Variants in SNTB1 observed in about 807,000 individuals in gnomAD.
SNTB1 encodes the protein beta-1-syntrophin.
SNTB1 carries 36 observed loss-of-function variants against 48.9 expected under a neutral mutation model. That is an observed-to-expected ratio of 0.74 (90% CI 0.56 to 0.97). The LOEUF is 0.97. Ranked by LOEUF, SNTB1 falls within the 50% of genes least tolerant of loss-of-function variation. SNTB1 has a pLI of 0.00. For missense variants in SNTB1, 786 were observed against 703.4 expected, an observed-to-expected ratio of 1.12 and a Z score of -1.33; for synonymous variants, 299 against 294.6, an observed-to-expected ratio of 1.01 and a Z score of -0.15.
At chr8:120,640,996 A>C (rs919966475) in intron 2 of SNTB1, among the ~76,000 whole-genome samples, 1 of 152,160 alleles carries the variant, frequency 6.6e-6, no homozygotes, top group South Asian at 2.1e-4. Context: ...CTGTGAATCC[A>C]TCTGGTCCTG....
chr8:120,722,807 A>G (rs1587115300), intron 1 of SNTB1, among the ~76,000 whole-genome samples: 1 of 152,144 alleles, frequency 6.6e-6, no homozygotes, highest in Non-Finnish European at 1.5e-5. Context: ...TTAGACATGA[A>G]GTCCTTGCCC....
intron 4 of SNTB1, among the ~76,000 whole-genome samples, chr8:120,559,394 T>C (rs1056878565): frequency 6.6e-6 from 1 of 152,240 alleles, no homozygotes; most frequent in Non-Finnish European, 1.5e-5. Flanking sequence ...ATTTGAAGAC[T>C]TGTACATAAA....
intron 2 of SNTB1, among the ~76,000 whole-genome samples, chr8:120,642,922 A>T (rs543864340): frequency 2.6e-5 from 4 of 152,288 alleles, no homozygotes; most frequent in Admixed American, 6.5e-5. Context: ...AAAACAAAAA[A>T]ACAAAACAAA....
chr8:120,611,697 C>T (rs1446237033), intron 3 of SNTB1, among the ~76,000 whole-genome samples: 1 of 151,894 alleles, frequency 6.6e-6, no homozygotes, highest in Admixed American at 6.6e-5. Flanking sequence ...TGGCGGGTGC[C>T]TGTAGTCCCA....
chr8:120,787,224 G>A (rs1819939753), intron 1 of SNTB1, among the ~76,000 whole-genome samples: 1 of 151,432 alleles, frequency 6.6e-6, no homozygotes, highest in Non-Finnish European at 1.5e-5. Flanking sequence ...AAAAAAAGTT[G>A]AATCAAAAAT....
chr8:120,639,772 G>A (rs1467845356), intron 2 of SNTB1, among the ~76,000 whole-genome samples: 1 of 152,144 alleles, frequency 6.6e-6, no homozygotes, highest in African/African-American at 2.4e-5. Context: ...TGCTGTTTTG[G>A]TTACTATAGC....
intron 1 of SNTB1, among the ~76,000 whole-genome samples, chr8:120,730,040 G>C (rs192823305): frequency 9.8e-5 from 15 of 152,346 alleles, no homozygotes; most frequent in Admixed American, 5.2e-4. Flanking sequence ...CAACCCGTTA[G>C]TGATGTCCCA....
Position 120,650,195 on chromosome 8 carries a change from C to T in SNTB1, c.789-17544G>A, listed in dbSNP as rs539127290. ...ATTCGGCCATCTTGGCTCTGGTTCC[C>T]GGAAATCATCCTTTTTAACTAAGCT... is the stretch of plus-strand genomic sequence containing the variant. On this transcript the variant is annotated intron_variant, in intron 2 of 6. Coordinates refer to ENST00000517992, the MANE Select transcript of SNTB1 (RefSeq NM_021021.4). 4.6e-4 allele frequency among the ~76,000 whole-genome samples: 70 copies of T among 151,990 alleles called. 1 individual carries two copies. The highest frequency in any genetic ancestry group is 1.6e-3 in the African/African-American group (65 of 41,504).
intron 1 of SNTB1, among the ~76,000 whole-genome samples, chr8:120,796,929 G>A (rs1820128564): frequency 6.6e-6 from 1 of 151,928 alleles, no homozygotes; most frequent in South Asian, 2.1e-4. Context: ...TTGTGTGCAT[G>A]TTTTACATTA....
At chr8:120,749,791 G>A (rs2130029125) in intron 1 of SNTB1, among the ~76,000 whole-genome samples, 1 of 152,168 alleles carries the variant, frequency 6.6e-6, no homozygotes, top group East Asian at 1.9e-4. Context: ...AGTACGGAAA[G>A]GTCTGTGCTG....
In SNTB1 at chr8:120,756,603, CTA is replaced by C. The variant is rs140493075; in HGVS notation, c.571+54668_571+54669del. The stretch of plus-strand genomic sequence containing the variant: ...TTTAGCCAGAGTAAGAATATAAAAA[CTA>C]TGTTTCTTCAATGGAGTTGAATGAG... On this transcript the variant is annotated intron_variant, in intron 1 of 6. Transcript: ENST00000517992. Among the ~76,000 whole-genome samples, 1,264 of 152,210 alleles carry C rather than the reference CTA, an allele frequency of 8.3e-3. 21 individuals are homozygous for C. The highest frequency in any genetic ancestry group is 0.028 in the African/African-American group (1,178 of 41,532).
intron 3 of SNTB1, among the ~76,000 whole-genome samples, chr8:120,623,512 G>C (rs966128610): frequency 6.6e-6 from 1 of 152,220 alleles, no homozygotes; most frequent in African/African-American, 2.4e-5. Context: ...TGCAAAATAT[G>C]CTTCCCAGTG....
At chr8:120,590,975 G>A (rs762516174) in intron 3 of SNTB1, among the ~76,000 whole-genome samples, 6 of 152,148 alleles carry the variant, frequency 3.9e-5, no homozygotes, top group Non-Finnish European at 8.8e-5. Flanking sequence ...GTGAAACACT[G>A]TGCCCTGCCT....
chr8:120,613,846 G>A (rs1011306984), intron 3 of SNTB1, among the ~76,000 whole-genome samples: 18 of 152,180 alleles, frequency 1.2e-4, no homozygotes, highest in African/African-American at 4.3e-4. Context: ...TTATTTGATT[G>A]TGGACTCTTC....
chr8:120,740,770 T>TA (rs60530169), intron 1 of SNTB1, among the ~76,000 whole-genome samples: 4,078 of 152,116 alleles, frequency 0.027, 186 homozygotes, highest in African/African-American at 0.093. Context: ...CTTTTTTTTT[T>TA]AATCACTTTT....
intron 2 of SNTB1, among the ~76,000 whole-genome samples, chr8:120,685,567 G>C (rs1395386680): frequency 6.6e-6 from 1 of 152,150 alleles, no homozygotes; most frequent in African/African-American, 2.4e-5. Context: ...CAAGGCCCTG[G>C]CAGCCTTAAA....
chr8:120,631,035 T>C (rs1816970552), intron 3 of SNTB1, among the ~76,000 whole-genome samples: 1 of 152,184 alleles, frequency 6.6e-6, no homozygotes, highest in South Asian at 2.1e-4. Flanking sequence ...TCTTTGGACA[T>C]TGCAGTTATC....
intron 1 of SNTB1, among the ~76,000 whole-genome samples, chr8:120,712,269 G>C (rs1818475906): frequency 6.6e-6 from 1 of 151,874 alleles, no homozygotes. Context: ...AAAAAAATTA[G>C]CCAGGCGTGG....
intron 2 of SNTB1, among the ~76,000 whole-genome samples, chr8:120,642,169 A>G (rs1817206335): frequency 1.3e-5 from 2 of 152,186 alleles, no homozygotes; most frequent in Non-Finnish European, 2.9e-5. Flanking sequence ...GTTGTTTGCC[A>G]GGCTTCCCAA....
Sources: gnomAD v4.1 joint callset for allele counts (sites outside exome capture counted in the v4.1 genomes callset) on GRCh38, gnomAD v4.1.1 for gene constraint, MANE v1.5 for transcripts, NCBI Gene and HGNC (gene_info 2026-07-23, HGNC 2026-07-21) for gene names.